CRCP: variants seen among roughly 807,000 people sequenced by gnomAD.
CRCP encodes the protein DNA-directed RNA polymerase III subunit RPC9.
In CRCP, 18 loss-of-function variants were observed where a neutral mutation model predicts 18.5. The observed-to-expected ratio is 0.97, with a 90% CI of 0.67 to 1.44. CRCP has a LOEUF of 1.44. Ranked by LOEUF, CRCP falls within the 40% of genes most tolerant of loss-of-function variation. CRCP has a pLI of 0.00. For synonymous variants in CRCP, 53 were observed against 62.9 expected (o/e 0.84, Z 0.75); for missense variants, 130 against 176.4 (o/e 0.74, Z 1.49).
intron 4 of CRCP, among the ~76,000 whole-genome samples, chr7:66,143,833 G>A (rs1230331457): frequency 6.6e-6 from 1 of 152,192 alleles, no homozygotes; most frequent in East Asian, 1.9e-4. Context: ...CACATGGAAA[G>A]CAAGCAATAA....
At chr7:66,127,076 A>G (rs561526921) in intron 1 of CRCP, among the ~76,000 whole-genome samples, 1 of 152,348 alleles carries the variant, frequency 6.6e-6, no homozygotes, top group South Asian at 2.1e-4. Context: ...ATGAACCCAA[A>G]TCTGATTTCA....
chr7:66,145,025 G>A (rs1373208955), intron 4 of CRCP, among the ~76,000 whole-genome samples: 3 of 152,044 alleles, frequency 2.0e-5, no homozygotes, highest in African/African-American at 4.8e-5. Flanking sequence ...GTGTGGTTGC[G>A]AGCATCTGTG....
intron 1 of CRCP, among the ~76,000 whole-genome samples, chr7:66,122,915 A>G (rs1787489590): frequency 1.3e-5 from 2 of 151,506 alleles, no homozygotes; most frequent in African/African-American, 2.4e-5. Flanking sequence ...ATTTGCTTTA[A>G]ACACATGTCA....
chr7:66,128,406 T>A (rs1230352379), intron 2 of CRCP, among the ~76,000 whole-genome samples: 1 of 152,178 alleles, frequency 6.6e-6, no homozygotes, highest in African/African-American at 2.4e-5. Flanking sequence ...ATTTTTATGA[T>A]TTTTCCTAAT....
At chr7:66,131,832 A>G (rs1787814876) in intron 3 of CRCP, among the ~76,000 whole-genome samples, 1 of 151,706 alleles carries the variant, frequency 6.6e-6, no homozygotes, top group Non-Finnish European at 1.5e-5. Flanking sequence ...CCATGGCGCA[A>G]CCTCGGCTCA....
At chr7:66,115,185 T>C (rs1489634298) in intron 1 of CRCP, among the ~76,000 whole-genome samples, 4 of 152,180 alleles carry the variant, frequency 2.6e-5, no homozygotes, top group African/African-American at 9.7e-5. Flanking sequence ...ACGCCGTGTC[T>C]GGTGCGGGGC....
rs183135901 is a variant in CRCP at position 66,145,727 on chromosome 7, C to T, written c.297+227C>T. 1.1e-4 allele frequency among the ~76,000 whole-genome samples: 16 copies of T among 152,324 alleles called. 1 individual carries two copies. Among genetic ancestry groups the T allele is most frequent in the Admixed American group, 3.9e-4 (6 of 15,294 alleles). On this transcript the variant is annotated intron_variant, in intron 5 of 5. Coordinates refer to ENST00000395326, the MANE Select transcript of CRCP (RefSeq NM_014478.5). ...TCTAGGGTTTTGGCTGATGACTTGG[C>T]GGCTCTCCGACTCCCCTGATGTCCA...
chr7:66,136,518 C>T (rs2460422), intron 4 of CRCP, among the ~76,000 whole-genome samples: 15,783 of 152,024 alleles, frequency 0.1, 998 homozygotes, highest in South Asian at 0.2. Flanking sequence ...GTGTGAGTCA[C>T]CGTGCCTGGC....
chr7:66,141,902 A>T (rs1221136576), intron 4 of CRCP, among the ~76,000 whole-genome samples: 2 of 151,952 alleles, frequency 1.3e-5, no homozygotes, highest in Non-Finnish European at 2.9e-5. Context: ...TGGAGTGTGG[A>T]GTGCATGGGG....
At position 66,130,752 on chromosome 7, in the gene CRCP, G is replaced by T. The variant is rs759180557; in HGVS notation, c.54G>T (p.Gln18His). The T allele has an allele frequency of 6.2e-7, 1 of 1,602,144 alleles. No homozygotes were observed. The highest frequency in any genetic ancestry group is 8.5e-7 in the Non-Finnish European group (1 of 1,170,768). Residue 18 changes from glutamine (Q) to histidine (H), a missense_variant, in exon 3 of 6, where the codon CAG becomes CAT. By Grantham distance (24) the Gln-to-His change is conservative (BLOSUM62 0). Transcript: ENST00000395326. ...TTTGTATCTCCTCCTAGGTATTTCA[G>T]TTACTAACTGATCTGAAAGAGCAGC... is the stretch of plus-strand genomic sequence containing the variant. Reference protein sequence around the residue: ...SALLSNYEVFQLLTDLKEQRK... With the variant: ...SALLSNYEVFHLLTDLKEQRK...
chr7:66,151,671 CTCTGTG>C lies in CRCP; in HGVS notation c.298-535_298-530del, dbSNP rs1476469388. On this transcript the variant is annotated intron_variant, in intron 5 of 5. Transcript: ENST00000395326. ...CATATGCAACCTGTTCACCACTTCTCTCTGTGTGTGTGTGTGTGTGTGTGTGTGTGT... is the reference window on the plus strand; with the variant it reads ...CATATGCAACCTGTTCACCACTTCTCTGTGTGTGTGTGTGTGTGTGTGTGT... Among the ~76,000 whole-genome samples, 10 of 40,302 alleles carry C rather than the reference CTCTGTG, an allele frequency of 2.5e-4. No individual in the cohort carries two copies. The East Asian group carries it at 3.9e-3, about 16-fold the overall frequency. The allele number at this position is 40,302 out of a possible 152,430, so 26.4% of individuals were successfully genotyped here.
chr7:66,143,897 A>G (rs1054258844), intron 4 of CRCP, among the ~76,000 whole-genome samples: 3 of 152,180 alleles, frequency 2.0e-5, no homozygotes, highest in Non-Finnish European at 4.4e-5. Context: ...CTCTCATAAG[A>G]TAGTTAAGTA....
chr7:66,130,674 A>G (rs1787772273), intron 2 of CRCP, 70 bp from the exon 3 acceptor site: 3 of 908,372 alleles, frequency 3.3e-6, no homozygotes, highest in East Asian at 2.5e-5. Context: ...TTATCCTTCA[A>G]AACCACTGAC....
intron 5 of CRCP, among the ~76,000 whole-genome samples, chr7:66,148,837 G>A (rs1343773597): frequency 2.0e-5 from 3 of 152,350 alleles, no homozygotes; most frequent in African/African-American, 4.8e-5. Context: ...ACTGTTACAT[G>A]TGTTCTCCTT....
At chr7:66,143,617 A>G (rs1156794895) in intron 4 of CRCP, among the ~76,000 whole-genome samples, 1 of 152,170 alleles carries the variant, frequency 6.6e-6, no homozygotes, top group East Asian at 1.9e-4. Flanking sequence ...GTAGAAATTG[A>G]CTAGAACTGC....
At chr7:66,115,020 G>C (rs1787211938) in intron 1 of CRCP, 50 bp downstream of exon 1, 1 of 1,593,342 alleles carries the variant, frequency 6.3e-7, no homozygotes, top group African/African-American at 1.3e-5. Context: ...CCAACGGTTT[G>C]ACCGCTGAGA....
At chr7:66,140,463 T>C (rs1788102679) in intron 4 of CRCP, among the ~76,000 whole-genome samples, 1 of 151,792 alleles carries the variant, frequency 6.6e-6, no homozygotes, top group African/African-American at 2.4e-5. Flanking sequence ...TGGCACAGTC[T>C]CAGCTCACTG....
chr7:66,117,144 C>A (rs530085483), intron 1 of CRCP, among the ~76,000 whole-genome samples: 17 of 151,074 alleles, frequency 1.1e-4, no homozygotes, highest in Non-Finnish European at 2.5e-4. Flanking sequence ...AAAACCTGAT[C>A]CCTCCATCTT....
At chr7:66,152,121 G>T (rs1272939164) in intron 5 of CRCP, 87 bp from the exon 6 acceptor site, 1 of 1,490,024 alleles carries the variant, frequency 6.7e-7, no homozygotes, top group Admixed American at 1.9e-5. Context: ...CCAGGAGGCC[G>T]GGCTGAGACC....
Sources: gnomAD v4.1 joint callset for allele counts (sites outside exome capture counted in the v4.1 genomes callset) on GRCh38, gnomAD v4.1.1 for gene constraint, MANE v1.5 for transcripts, NCBI Gene and HGNC (gene_info 2026-07-23, HGNC 2026-07-21) for gene names.